Variants in PLXNA4 observed in about 807,000 individuals in gnomAD.
PLXNA4 encodes the protein plexin A4, also known as plexin-A4.
Under a neutral mutation model 191.8 loss-of-function variants are expected in PLXNA4, and 44 were observed. The observed-to-expected ratio is 0.23, with a 90% confidence interval of 0.18 to 0.29. The LOEUF (loss-of-function observed/expected upper bound fraction) is 0.29, where lower values mean the gene tolerates loss of function less well. Among genes scored for constraint, PLXNA4 ranks in the 10% least tolerant of loss-of-function variants. The pLI, the probability that PLXNA4 is intolerant of heterozygous loss-of-function variation, is 1.00. For synonymous variants in PLXNA4, 1,082 were observed against 1,009.5 expected (o/e 1.07, Z -1.36); for missense variants, 1,800 against 2,488.8 (o/e 0.72, Z 5.89).
chr7:132,539,249 G>C (rs1215001228), intron 1 of PLXNA4, among the ~76,000 whole-genome samples: 1 of 152,178 alleles, frequency 6.6e-6, no homozygotes, highest in African/African-American at 2.4e-5. Context: ...AGGCCACGTA[G>C]AGCCATACAA....
intron 3 of PLXNA4, among the ~76,000 whole-genome samples, chr7:132,318,657 T>G (rs1466608460): frequency 6.8e-6 from 1 of 146,596 alleles, no homozygotes; most frequent in Non-Finnish European, 1.5e-5. Flanking sequence ...CATCACGCAC[T>G]TTGCTTTTTT....
intron 3 of PLXNA4, among the ~76,000 whole-genome samples, chr7:132,481,654 A>G (rs1797341233): frequency 6.6e-6 from 1 of 152,124 alleles, no homozygotes; most frequent in Admixed American, 6.5e-5. Flanking sequence ...AGCCCCAAAC[A>G]CTAAGGAAAC....
chr7:132,205,516 T>TGA (rs150848387), intron 10 of PLXNA4, among the ~76,000 whole-genome samples: 272 of 150,262 alleles, frequency 1.8e-3, no homozygotes, highest in African/African-American at 2.0e-3. Context: ...TGTGTGTGTG[T>TGA]GAGAGAGAGA....
chr7:132,220,354 G>T lies in PLXNA4; in HGVS notation c.2097+3173C>A, dbSNP rs150819249. On this transcript the variant is annotated intron_variant, in intron 9 of 31. Transcript: ENST00000321063. Reference sequence around the variant, plus strand: ...CAAAATGGCCCTGGGATTGAGCTGGGTAGAATGCAGCCTCCAAACCTAGAC... The same window carrying T: ...CAAAATGGCCCTGGGATTGAGCTGGTTAGAATGCAGCCTCCAAACCTAGAC... 6.3e-3 allele frequency among the ~76,000 whole-genome samples: 959 copies of T among 152,318 alleles called. 9 individuals carry two copies. The highest frequency in any genetic ancestry group is 9.9e-3 in the Non-Finnish European group (673 of 68,024).
At position 132,484,685 on chromosome 7, in the gene PLXNA4, G is replaced by A. The variant is rs187865240; in HGVS notation, c.1371+4607C>T. ...CATATGCCCTCTGCCCTAACCACAT[G>A]TTCCTAGTCTATTTGGTGTTCCAAC... On this transcript the variant is annotated intron_variant, in intron 3 of 31. Coordinates refer to ENST00000321063, the MANE Select transcript of PLXNA4 (RefSeq NM_020911.2). 1.5e-5 allele frequency: 21 copies of A among 1,425,880 alleles called. No individual in the cohort carries two copies. In the African/African-American group the frequency reaches 2.7e-4, roughly 18 times the overall value. 88.3% of individuals were successfully genotyped at this position (1,425,880 alleles called of 1,614,324 possible).
intron 4 of PLXNA4, among the ~76,000 whole-genome samples, chr7:132,242,439 G>A (rs186369110): frequency 9.9e-4 from 151 of 152,206 alleles, no homozygotes; most frequent in Non-Finnish European, 1.9e-3. Flanking sequence ...TGTAACTCAC[G>A]CACAGGCAAA....
chr7:132,175,766 C>G (rs1328956768), intron 20 of PLXNA4, among the ~76,000 whole-genome samples: 1 of 152,252 alleles, frequency 6.6e-6, no homozygotes, highest in Admixed American at 6.5e-5. Flanking sequence ...GCACCCAGCC[C>G]TTCCCTGCTC....
rs375048201 is a variant in PLXNA4 at position 132,290,745 on chromosome 7, T to A, written c.1503+7346A>T. ...GACAGAGAGAAACGTAACACGGCTC[T>A]GAAAGAGACAGTTAAATCATGACAA... On this transcript the variant is annotated intron_variant, in intron 4 of 31. Coordinates refer to ENST00000321063, the MANE Select transcript of PLXNA4 (RefSeq NM_020911.2). 6.1e-4 allele frequency among the ~76,000 whole-genome samples: 93 copies of A among 152,160 alleles called. 2 individuals are homozygous for A. Among genetic ancestry groups the A allele is most frequent in the African/African-American group, 2.1e-3 (88 of 41,482 alleles).
At chr7:132,614,433 T>C (rs140938754) in intron 2 of PLXNA4, among the ~76,000 whole-genome samples, 372 of 152,314 alleles carry the variant, frequency 2.4e-3, no homozygotes, top group African/African-American at 8.5e-3. Flanking sequence ...CCCTGAAAGA[T>C]AGCAGGATGC....
At chr7:132,422,897 G>C (rs536933662) in intron 3 of PLXNA4, among the ~76,000 whole-genome samples, 1 of 152,174 alleles carries the variant, frequency 6.6e-6, no homozygotes, top group Admixed American at 6.5e-5. Context: ...CTAGCACCTC[G>C]GGAAACCTCT....
intron 1 of PLXNA4, among the ~76,000 whole-genome samples, chr7:132,568,339 C>T (rs1801827603): frequency 2.6e-5 from 4 of 152,106 alleles, no homozygotes; most frequent in Admixed American, 2.0e-4. Flanking sequence ...CTTCAGAAAT[C>T]GGATTGGCAC....
intron 2 of PLXNA4, among the ~76,000 whole-genome samples, chr7:132,497,539 A>T (rs1489600941): frequency 1.3e-5 from 2 of 152,208 alleles, no homozygotes; most frequent in African/African-American, 4.8e-5. Flanking sequence ...ATTCTATAAG[A>T]TATTTCCATG....
chr7:132,511,627 T>C (rs1299878175), intron 1 of PLXNA4, among the ~76,000 whole-genome samples: 2 of 152,196 alleles, frequency 1.3e-5, no homozygotes, highest in African/African-American at 2.4e-5. Flanking sequence ...AGCCTCTGCC[T>C]AGCACAGTTA....
intron 4 of PLXNA4, among the ~76,000 whole-genome samples, chr7:132,277,204 C>T (rs189766135): frequency 6.6e-6 from 1 of 152,274 alleles, no homozygotes; most frequent in Admixed American, 6.5e-5. Context: ...GAATACTTGG[C>T]ACTGTGGCTT....
chr7:132,254,030 C>T (rs1799346814), intron 4 of PLXNA4, among the ~76,000 whole-genome samples: 1 of 152,170 alleles, frequency 6.6e-6, no homozygotes, highest in Non-Finnish European at 1.5e-5. Flanking sequence ...TAGCAATTGT[C>T]TTCATCTGTC....
intron 2 of PLXNA4, among the ~76,000 whole-genome samples, chr7:132,636,317 G>A (rs1803604734): frequency 6.6e-6 from 1 of 152,200 alleles, no homozygotes; most frequent in East Asian, 1.9e-4. Flanking sequence ...AGGAGAGAAG[G>A]GGCTACCCCA....
At chr7:132,211,230 T>C in intron 9 of PLXNA4, 87 bp from the exon 10 acceptor site, 1 of 1,391,170 alleles carries the variant, frequency 7.2e-7, no homozygotes, top group Admixed American at 2.0e-5. Flanking sequence ...ATGTTCCCTG[T>C]CTCCACCCTT....
intron 3 of PLXNA4, among the ~76,000 whole-genome samples, chr7:132,332,716 G>A (rs902545986): frequency 1.3e-5 from 2 of 151,946 alleles, no homozygotes; most frequent in African/African-American, 4.8e-5. Context: ...AAACTTAGCT[G>A]GGTGTGGTGG....
At chr7:132,597,988 G>A (rs150770821) in intron 2 of PLXNA4, among the ~76,000 whole-genome samples, 502 of 152,180 alleles carry the variant, frequency 3.3e-3, no homozygotes, top group African/African-American at 0.012. Context: ...GTGCAATCCC[G>A]TTAGGGACCT....
Sources: allele counts gnomAD v4.1 joint callset (sites outside exome capture counted in the v4.1 genomes callset), GRCh38; gene constraint gnomAD v4.1.1; transcripts MANE v1.5; gene names NCBI Gene and HGNC (gene_info 2026-07-23, HGNC 2026-07-21).